WDR17: variants seen among roughly 807,000 people sequenced by gnomAD.
The protein encoded by WDR17 is WD repeat-containing protein 17.
In WDR17, 143 loss-of-function variants were observed where a neutral mutation model predicts 161.7. The ratio of observed to expected loss-of-function variants is 0.88; its 90% CI spans 0.77 to 1.02. The LOEUF (loss-of-function observed/expected upper bound fraction) is 1.02, where lower values mean the gene tolerates loss of function less well. Among genes scored for constraint, WDR17 ranks in the 50% least tolerant of loss-of-function variants. WDR17 has a pLI of 0.00. For missense variants in WDR17, 1,469 were observed against 1,520.9 expected (o/e 0.97, Z 0.57); for synonymous variants, 517 against 515.6 (o/e 1.00, Z -0.04).
At chr4:176,126,435 CTCTT>C (rs1267827050) in intron 5 of WDR17, among the ~76,000 whole-genome samples, 1 of 152,156 alleles carries the variant, frequency 6.6e-6, no homozygotes, top group Non-Finnish European at 1.5e-5. Flanking sequence ...TAGGCAAAGA[CTCTT>C]TATCCTCTCA....
chr4:176,153,283 T>C (rs1252661586), intron 17 of WDR17, among the ~76,000 whole-genome samples: 1 of 152,218 alleles, frequency 6.6e-6, no homozygotes, highest in Admixed American at 6.5e-5. Flanking sequence ...TTGTCATAAC[T>C]AAATCCCACA....
At chr4:176,149,711 A>G (rs990131874) in intron 13 of WDR17, 96 bp from the exon 14 acceptor site, 3 of 1,471,920 alleles carry the variant, frequency 2.0e-6, no homozygotes, top group African/African-American at 1.4e-5. Context: ...ATATTTCTTC[A>G]TAGCTTCAAT....
chr4:176,093,589 G>A lies in WDR17; in HGVS notation c.-6-17986G>A, dbSNP rs956849701. Among the ~76,000 whole-genome samples, 6 of 152,110 alleles carry A rather than the reference G, an allele frequency of 3.9e-5. No individual in the cohort carries two copies. The East Asian group carries it at 5.8e-4, about 15-fold the overall frequency. On this transcript the variant is annotated intron_variant, in intron 1 of 28. Coordinates refer to ENST00000508596, the MANE Select transcript of WDR17 (RefSeq NM_181265.4). ...ATTTTCTGACTAAAATAAGTTAAAT[G>A]TGTGATTTTAATGAAATATCAATTA... is the stretch of plus-strand genomic sequence containing the variant.
At chr4:176,135,046 T>C in intron 7 of WDR17, 62 bp from the exon 8 acceptor site, 1 of 1,512,500 alleles carries the variant, frequency 6.6e-7, no homozygotes, top group Non-Finnish European at 9.1e-7. Context: ...AACATTGTGG[T>C]TCATCTATTA....
At chr4:176,176,890 G>A (rs1359994889) in intron 26 of WDR17, among the ~76,000 whole-genome samples, 168 bp from the exon 27 acceptor site, 1 of 152,106 alleles carries the variant, frequency 6.6e-6, no homozygotes, top group Non-Finnish European at 1.5e-5. Flanking sequence ...ATATACAGGT[G>A]AGCATATATA....
intron 1 of WDR17, among the ~76,000 whole-genome samples, chr4:176,085,568 A>G (rs1181667037): frequency 6.6e-6 from 1 of 152,086 alleles, no homozygotes; most frequent in Non-Finnish European, 1.5e-5. Context: ...CATTCATCCA[A>G]GTTATCCAAT....
intron 1 of WDR17, among the ~76,000 whole-genome samples, chr4:176,104,987 A>AT (rs1738465800): frequency 6.6e-6 from 1 of 151,720 alleles, no homozygotes; most frequent in Non-Finnish European, 1.5e-5. Context: ...TCTACAGTTG[A>AT]TTCACTTGAG....
intron 1 of WDR17, among the ~76,000 whole-genome samples, chr4:176,108,936 C>T (rs541439315): frequency 4.9e-4 from 75 of 152,136 alleles, no homozygotes; most frequent in African/African-American, 1.7e-3. Flanking sequence ...GCTACAGGCA[C>T]GCGCCACCAC....
At chr4:176,150,918 C>G (rs970931550) in intron 16 of WDR17, among the ~76,000 whole-genome samples, 5 of 152,082 alleles carry the variant, frequency 3.3e-5, no homozygotes, top group African/African-American at 1.2e-4. Context: ...GCCTAATAGG[C>G]TGTTCTGGGA....
At chr4:176,154,143 C>G (rs937678601) in intron 17 of WDR17, among the ~76,000 whole-genome samples, 1 of 152,120 alleles carries the variant, frequency 6.6e-6, no homozygotes, top group Non-Finnish European at 1.5e-5. Context: ...GCAGGTTCAT[C>G]GATGTACTTA....
chr4:176,107,234 A>G (rs1273279039), intron 1 of WDR17, among the ~76,000 whole-genome samples: 2 of 151,890 alleles, frequency 1.3e-5, no homozygotes, highest in Admixed American at 6.6e-5. Context: ...CAAAAGAACA[A>G]TAAGACACCA....
intron 4 of WDR17, among the ~76,000 whole-genome samples, chr4:176,122,702 G>A (rs539046144): frequency 9.9e-5 from 15 of 152,188 alleles, no homozygotes; most frequent in East Asian, 5.8e-4. Context: ...CTATACCTAC[G>A]TTACAACATA....
At chr4:176,110,425 C>T (rs1308767014) in intron 1 of WDR17, among the ~76,000 whole-genome samples, 1 of 152,196 alleles carries the variant, frequency 6.6e-6, no homozygotes, top group East Asian at 1.9e-4. Flanking sequence ...CGCGCCCAGC[C>T]TATCTTTATT....
intron 3 of WDR17, among the ~76,000 whole-genome samples, chr4:176,118,800 C>CAAA (rs539690350): frequency 1.0e-4 from 15 of 146,202 alleles, no homozygotes; most frequent in African/African-American, 3.7e-4. Flanking sequence ...ACTAAAAATA[C>CAAA]AAAAAAAAAA....
intron 1 of WDR17, among the ~76,000 whole-genome samples, chr4:176,085,690 C>A (rs1186326577): frequency 6.6e-6 from 1 of 151,714 alleles, no homozygotes; most frequent in Non-Finnish European, 1.5e-5. Flanking sequence ...TGTGTTTGTT[C>A]TGTATTTTTC....
intron 11 of WDR17, 121 bp from the exon 12 acceptor site, chr4:176,145,874 A>T: frequency 2.5e-6 from 2 of 804,984 alleles, no homozygotes; most frequent in Non-Finnish European, 3.7e-6. Flanking sequence ...GTAAGTTTTT[A>T]GTCTAACTTC....
chr4:176,150,357 T>G, intron 15 of WDR17, 111 bp from the exon 16 acceptor site: 3 of 1,459,076 alleles, frequency 2.1e-6, no homozygotes, highest in Non-Finnish European at 2.7e-6. Flanking sequence ...ATGTAGTTAT[T>G]TTGTTAATTT....
At chr4:176,106,090 G>T (rs1385786857) in intron 1 of WDR17, among the ~76,000 whole-genome samples, 1 of 151,934 alleles carries the variant, frequency 6.6e-6, no homozygotes, top group Admixed American at 6.6e-5. Context: ...ATGGGCAAAT[G>T]CAACAATTTT....
Position 176,181,766 on chromosome 4 carries a change from A to G in WDR17, c.*2187A>G, listed in dbSNP as rs896232221. On this transcript the variant is annotated 3_prime_UTR_variant, in exon 29 of 29. Coordinates refer to ENST00000508596, the MANE Select transcript of WDR17 (RefSeq NM_181265.4). ...AAGGATATCATTAAGTATATAAACA[A>G]TCATTACTTCTGTATTTTTAATGAA... 1 of 152,328 alleles carries G rather than the reference A, an allele frequency of 6.6e-6. No individual in the cohort carries two copies. The highest frequency in any genetic ancestry group is 1.5e-5 in the Non-Finnish European group (1 of 67,958). The allele number at this position is 152,328 out of a possible 1,614,324, so 9.4% of individuals were successfully genotyped here.
Sources: allele counts gnomAD v4.1 joint callset (sites outside exome capture counted in the v4.1 genomes callset), GRCh38; gene constraint gnomAD v4.1.1; transcripts MANE v1.5; gene names NCBI Gene and HGNC (gene_info 2026-07-23, HGNC 2026-07-21).